The following ADSS1 variants were observed in gnomAD, a reference collection of about 807,000 sequenced individuals.
ADSS1 encodes the protein adenylosuccinate synthase 1, also known as adenylosuccinate synthetase isozyme 1.
ADSS1 carries 57 observed loss-of-function variants against 59.1 expected under a neutral mutation model. That is an observed-to-expected ratio of 0.97 (90% CI 0.78 to 1.20). The LOEUF (loss-of-function observed/expected upper bound fraction) is 1.20, where lower values mean the gene tolerates loss of function less well. Among genes scored for constraint, ADSS1 ranks in the 50% most tolerant of loss-of-function variants. ADSS1 has a pLI of 0.00. For missense variants in ADSS1, 603 were observed against 610.3 expected, an observed-to-expected ratio of 0.99 and a Z score of 0.13; for synonymous variants, 247 against 249.4, an observed-to-expected ratio of 0.99 and a Z score of 0.09.
Position 104,740,037 on chromosome 14 carries a change from C to T in ADSS1, c.476+221C>T, listed in dbSNP as rs1360561718. 6.6e-6 allele frequency among the ~76,000 whole-genome samples: 1 copy of T among 152,196 alleles called. No individual in the cohort carries two copies. The highest frequency in any genetic ancestry group is 6.5e-5 in the Admixed American group (1 of 15,284). On this transcript the variant is annotated intron_variant, in intron 5 of 12. Coordinates refer to ENST00000330877, the MANE Select transcript of ADSS1 (RefSeq NM_152328.5). This position sits in a 1 kb window ranked among gnomAD's most constrained non-coding sequence, Gnocchi z 4.8. ...TGCACACTGTCCTTGCCGGCTGCCA[C>T]TGCCACGCGGCTCCCCCCAGGAGTG...
chr14:104,725,655 C>T (rs1313203589), intron 1 of ADSS1, among the ~76,000 whole-genome samples: 5 of 152,198 alleles, frequency 3.3e-5, no homozygotes, highest in African/African-American at 1.2e-4. Flanking sequence ...CCCCCAGGTC[C>T]TAGAGGTGGT....
At position 104,735,111 on chromosome 14, in the gene ADSS1, T is replaced by C. The variant is rs780850246; in HGVS notation, c.284T>C (p.Val95Ala). Residue 95 changes from valine to alanine, a missense_variant, in exon 2 of 13, where the codon GTG (valine) becomes GCG (alanine). By Grantham distance (64) the Val-to-Ala change is moderately conservative. Transcript: ENST00000330877. ...AGCGGCATCATCAACACCAAGGCCG[T>C]GTCCTTCATTGGTGAGTGCCCTGCC... Reference protein sequence around the residue: ...LPSGIINTKAVSFIGNGVVIH... With the variant: ...LPSGIINTKAASFIGNGVVIH... 11 of 1,610,080 alleles carry C rather than the reference T, an allele frequency of 6.8e-6. No individual in the cohort carries two copies. Among genetic ancestry groups the C allele is most frequent in the African/African-American group, 1.3e-5 (1 of 74,852 alleles).
Position 104,744,869 on chromosome 14 carries a change from C to T in ADSS1, c.1131C>T (p.Val377=), listed in dbSNP as rs1490712015. The change falls in exon 11 of 13, where the codon GTC becomes GTT. Residue 377 remains valine (V), a synonymous_variant. Transcript: ENST00000330877. ...TACTGGGTGAGGTTAAAGTCGGTGT[C>T]TCATACAAGCTGAACGGGAAAAGGA... is the stretch of plus-strand genomic sequence containing the variant. ...LDVLGEVKVG[V]SYKLNGKRIP... is the part of the protein sequence containing the mutation. 1 of 1,614,188 alleles carries T rather than the reference C, an allele frequency of 6.2e-7. No individual in the cohort carries two copies. Among genetic ancestry groups the T allele is most frequent in the Non-Finnish European group, 8.5e-7 (1 of 1,180,050 alleles).
At chr14:104,733,817 T>A (rs753267085) in intron 1 of ADSS1, among the ~76,000 whole-genome samples, 1 of 152,146 alleles carries the variant, frequency 6.6e-6, no homozygotes, top group Non-Finnish European at 1.5e-5. Context: ...TATCCGTGTG[T>A]GGCCCCCCGC....
chr14:104,734,984 C>G, intron 1 of ADSS1, 36 bp from the exon 2 acceptor site: 1 of 1,594,644 alleles, frequency 6.3e-7, no homozygotes, highest in Middle Eastern at 1.7e-4. Flanking sequence ...TCCTCAGTAC[C>G]CAAGTGCCTT....
At chr14:104,743,215 C>A in intron 10 of ADSS1, 24 bp downstream of exon 10, 1 of 1,605,568 alleles carries the variant, frequency 6.2e-7, no homozygotes, top group South Asian at 1.1e-5. Context: ...GCTGCCATCC[C>A]CACTGGGACC....
In ADSS1 at chr14:104,724,402, G is replaced by A. The variant is rs1890659250; in HGVS notation, c.132G>A (p.Glu44=). Residue 44 remains glutamate, a synonymous_variant, in exon 1 of 13, where the codon GAG becomes GAA. Coordinates refer to ENST00000330877, the MANE Select transcript of ADSS1 (RefSeq NM_152328.5). ...TGCTGGGCGCGCAGTGGGGGGACGA[G>A]GGCAAAGGCAAGGTGGTGGACCTGC... ...TVVLGAQWGD[E]GKGKVVDLLA... 1.6e-6 allele frequency: 2 copies of A among 1,263,914 alleles called. No individual in the cohort carries two copies. The highest frequency in any genetic ancestry group is 1.5e-5 in the African/African-American group (1 of 65,584). The allele number at this position is 1,263,914 out of a possible 1,614,324, so 78.3% of individuals were successfully genotyped here. A position where few individuals can be genotyped will look rare whatever the true frequency, so the allele number is the denominator to read the frequency against.
chr14:104,747,088 C>CAGG lies in ADSS1; in HGVS notation c.*85_*86insAGG. On this transcript the variant is annotated 3_prime_UTR_variant, in exon 13 of 13. Transcript: ENST00000330877. The stretch of plus-strand genomic sequence containing the variant: ...CAGTCACGTTCCTCGGCCGCCACAA[C>CAGG]CAACACCAAAGCAGGAAAACCATTT... 8.0e-7 allele frequency: 1 copy of CAGG among 1,251,918 alleles called. No homozygotes were observed. Among genetic ancestry groups the CAGG allele is most frequent in the South Asian group, 1.6e-5 (1 of 62,532 alleles). The allele number at this position is 1,251,918 out of a possible 1,614,324, so 77.6% of individuals were successfully genotyped here. A position where few individuals can be genotyped will look rare whatever the true frequency, so the allele number is the denominator to read the frequency against.
At chr14:104,730,599 C>G (rs571440052) in intron 1 of ADSS1, among the ~76,000 whole-genome samples, 1 of 152,228 alleles carries the variant, frequency 6.6e-6, no homozygotes, top group South Asian at 2.1e-4. Flanking sequence ...GAGATATTTA[C>G]TTATAAATAT....
At position 104,739,773 on chromosome 14, in the gene ADSS1, G is replaced by C. The variant is rs143062280; in HGVS notation, c.433G>C (p.Asp145His). 1 of 1,613,850 alleles carries C rather than the reference G, an allele frequency of 6.2e-7. No homozygotes were observed. The highest frequency in any genetic ancestry group is 1.7e-4 in the Middle Eastern group (1 of 6,058). Residue 145 changes from aspartate to histidine, a missense_variant, in exon 5 of 13, where the codon GAC (aspartate) becomes CAC (histidine). Asp to His is a moderately conservative substitution (Grantham distance 81). Transcript: ENST00000330877. Reference sequence around the variant, plus strand: ...AGTGTTTGATTTTCACCAGGCTGTCGACGGACTTCAGGAAGTGCAGCGCCA... The same window carrying C: ...AGTGTTTGATTTTCACCAGGCTGTCCACGGACTTCAGGAAGTGCAGCGCCA... ...HLVFDFHQAV[D>H]GLQEVQRQAQ... is the part of the protein sequence containing the mutation.
intron 1 of ADSS1, chr14:104,730,326 C>A: frequency 8.3e-7 from 1 of 1,207,826 alleles, no homozygotes; most frequent in Non-Finnish European, 1.1e-6. Context: ...CCGGTTTCTA[C>A]TAAAAATACA....
chr14:104,742,508 A>T (rs1010693609), intron 9 of ADSS1, among the ~76,000 whole-genome samples: 1 of 152,242 alleles, frequency 6.6e-6, no homozygotes, highest in Non-Finnish European at 1.5e-5. Flanking sequence ...CTGTGGCCCC[A>T]GAATCCTCAG....
At position 104,732,726 on chromosome 14, in the gene ADSS1, G is replaced by C. The variant is rs561382833; in HGVS notation, c.193-2294G>C. Among the ~76,000 whole-genome samples the C allele has an allele frequency of 2.6e-5, 4 of 152,338 alleles. No homozygotes were observed. The South Asian group carries it at 8.3e-4, about 32-fold the overall frequency. ...CCCTCGACGCCTGCCCCCCCGCCCA[G>C]GCGGGGCTGTGTACAAGGGATAGGC... is the stretch of plus-strand genomic sequence containing the variant. On this transcript the variant is annotated intron_variant, in intron 1 of 12. Transcript: ENST00000330877.
chr14:104,738,558 A>C, intron 3 of ADSS1, 120 bp downstream of exon 3: 1 of 1,150,182 alleles, frequency 8.7e-7, no homozygotes, highest in South Asian at 1.4e-5. Context: ...GGTTCCCAAC[A>C]TAGCTGGCCC....
At chr14:104,727,275 T>C (rs74430010) in intron 1 of ADSS1, among the ~76,000 whole-genome samples, 1,778 of 152,144 alleles carry the variant, frequency 0.012, 35 homozygotes, top group African/African-American at 0.041. Flanking sequence ...CTGGGCGGCC[T>C]CCCTTCTCCA....
Position 104,724,328 on chromosome 14 carries a change from G to GGGCGGCTGCAGCAGGAGGC in ADSS1, c.65_83dup (p.Thr29AlafsTer89), listed in dbSNP as rs1282255780. 1 of 1,239,632 alleles carries GGGCGGCTGCAGCAGGAGGC rather than the reference G, an allele frequency of 8.1e-7. No individual in the cohort carries two copies. Among genetic ancestry groups the GGGCGGCTGCAGCAGGAGGC allele is most frequent in the African/African-American group, 1.6e-5 (1 of 64,430 alleles). 76.8% of individuals were successfully genotyped at this position (1,239,632 alleles called of 1,614,324 possible). Reference sequence around the variant, plus strand: ...CCCCGGCGCAGGCGGCGTCAAGCGGGGGCGGCTGCAGCAGGAGGCGGCGGC... The same window carrying GGGCGGCTGCAGCAGGAGGC: ...CCCCGGCGCAGGCGGCGTCAAGCGGGGGCGGCTGCAGCAGGAGGCGGCGGCTGCAGCAGGAGGCGGCGGC... On this transcript the variant is annotated frameshift_variant, in exon 1 of 13. Coordinates refer to ENST00000330877, the MANE Select transcript of ADSS1 (RefSeq NM_152328.5). LOFTEE classifies it high-confidence loss of function.
At chr14:104,727,201 G>A (rs1890740109) in intron 1 of ADSS1, among the ~76,000 whole-genome samples, 1 of 152,158 alleles carries the variant, frequency 6.6e-6, no homozygotes, top group Non-Finnish European at 1.5e-5. Flanking sequence ...GCATCTGGGG[G>A]CCCCTGAGAG....
chr14:104,730,187 G>T lies in ADSS1; in HGVS notation c.193-4833G>T, dbSNP rs1890870566. 2.0e-6 allele frequency: 3 copies of T among 1,526,504 alleles called. No homozygotes were observed. In the East Asian group the frequency reaches 7.4e-5, roughly 38 times the overall value. 94.6% of individuals were successfully genotyped at this position (1,526,504 alleles called of 1,614,324 possible). On this transcript the variant is annotated intron_variant, in intron 1 of 12. Coordinates refer to ENST00000330877, the MANE Select transcript of ADSS1 (RefSeq NM_152328.5). ...CCTGCCCAGGAGGACTGCAGGAGCC[G>T]GATCCTTAACACCTGGAGGGGAGCG...
rs190325392 is a variant in ADSS1, at chr14:104,733,812, G to A, written c.193-1208G>A. Reference sequence around the variant, plus strand: ...GACCAGTCTGTGGGGCAGGGTATCCGTGTGTGGCCCCCCGCAACCCCACCG... The same window carrying A: ...GACCAGTCTGTGGGGCAGGGTATCCATGTGTGGCCCCCCGCAACCCCACCG... On this transcript the variant is annotated intron_variant, in intron 1 of 12. Transcript: ENST00000330877. 5.3e-5 allele frequency among the ~76,000 whole-genome samples: 8 copies of A among 152,320 alleles called. No homozygotes were observed. The South Asian group carries it at 1.4e-3, about 28-fold the overall frequency.
Sources: gnomAD v4.1 joint callset for allele counts (sites outside exome capture counted in the v4.1 genomes callset) on GRCh38, gnomAD v4.1.1 for gene constraint, Gnocchi (gnomAD v3.1) non-coding constraint, MANE v1.5 for transcripts, NCBI Gene and HGNC (gene_info 2026-07-23, HGNC 2026-07-21) for gene names.